The following LRRC53 variants were observed in gnomAD, a reference collection of about 807,000 sequenced individuals.
The protein encoded by LRRC53 is leucine-rich repeat-containing protein 53.
A neutral mutation model predicts 13.6 loss-of-function variants in LRRC53; 25 were observed. That is an observed-to-expected ratio of 1.83 (90% CI 1.34 to 2.56). The LOEUF (loss-of-function observed/expected upper bound fraction) is 2.56. Among genes scored for constraint, LRRC53 ranks in the 30% most tolerant of loss-of-function variants. LRRC53 has a pLI of 0.00. For missense variants in LRRC53, 527 were observed against 275.8 expected (o/e 1.91, Z -6.45); for synonymous variants, 204 against 109.8 (o/e 1.86, Z -5.37).
At chr1:74,533,647 G>A in the LRRC53 span, among the ~76,000 whole-genome samples, 2 of 151,942 alleles carry the variant, frequency 1.3e-5, no homozygotes, top group Admixed American at 1.3e-4. Context: ...CAATAGCAAA[G>A]ACTTGGAACC....
At chr1:74,483,169 T>G (rs1167072844) in intron 2 of LRRC53, 93 bp downstream of exon 2, 2 of 666,814 alleles carry the variant, frequency 3.0e-6, no homozygotes, top group East Asian at 5.5e-5. Context: ...CCTCTTAAGC[T>G]GAGCCCAGAG....
intron 1 of LRRC53, among the ~76,000 whole-genome samples, chr1:74,509,073 T>G (rs912276179): frequency 2.6e-5 from 4 of 152,226 alleles, no homozygotes; most frequent in Admixed American, 6.5e-5. Context: ...GGGATCCTTA[T>G]TCAGACACTT....
At chr1:74,489,451 G>T (rs573386646) in intron 1 of LRRC53, among the ~76,000 whole-genome samples, 6 of 152,110 alleles carry the variant, frequency 3.9e-5, no homozygotes, top group South Asian at 4.1e-4. Flanking sequence ...GAGTGAATTC[G>T]AGACCTTCCA....
At chr1:74,535,920 T>A in the LRRC53 span, among the ~76,000 whole-genome samples, 4 of 152,194 alleles carry the variant, frequency 2.6e-5, no homozygotes, top group African/African-American at 9.6e-5. Flanking sequence ...CTGTATGTTC[T>A]AGCCTATTGA....
At chr1:74,505,318 C>T (rs1221308783) in intron 1 of LRRC53, among the ~76,000 whole-genome samples, 1 of 152,182 alleles carries the variant, frequency 6.6e-6, no homozygotes, top group Non-Finnish European at 1.5e-5. Flanking sequence ...TCTGTTCATC[C>T]TCCCTGACTC....
chr1:74,522,274 C>T, the LRRC53 span, among the ~76,000 whole-genome samples: 2 of 152,172 alleles, frequency 1.3e-5, no homozygotes, highest in African/African-American at 4.8e-5. Context: ...GGAGCTGCTG[C>T]TTGTACTTGC....
the LRRC53 span, among the ~76,000 whole-genome samples, chr1:74,518,738 T>A: frequency 8.5e-5 from 13 of 152,308 alleles, no homozygotes; most frequent in South Asian, 2.5e-3. Flanking sequence ...TTTGCTTTTA[T>A]ATAATTTATT....
chr1:74,475,350 A>G lies in LRRC53; in HGVS notation c.1365T>C (p.Leu455=). The change falls in exon 4 of 5, where the codon CTT becomes CTC. Residue 455 remains leucine (L), a synonymous_variant. Transcript: ENST00000294635. ...TTTGAGGCTGGACTTCTCCAGGCTCAAGATTCCATAGCTTTTGAACTTTCC... is the reference window on the plus strand; with the variant it reads ...TTTGAGGCTGGACTTCTCCAGGCTCGAGATTCCATAGCTTTTGAACTTTCC... ...NPRKVQKLWN[L]EPGEVQPQTL... The G allele has an allele frequency of 1.4e-6, 1 of 714,070 alleles. No individual in the cohort carries two copies. 44.2% of individuals were successfully genotyped at this position (714,070 alleles called of 1,614,324 possible).
the LRRC53 span, among the ~76,000 whole-genome samples, chr1:74,524,449 A>G: frequency 6.6e-6 from 1 of 152,176 alleles, no homozygotes; most frequent in East Asian, 1.9e-4. Flanking sequence ...TGTAGGGCCA[A>G]CTGGTGACTA....
In LRRC53 at chr1:74,480,855, C is replaced by T. The variant is rs1424359472; in HGVS notation, c.202G>A (p.Gly68Ser). 1.4e-6 allele frequency: 1 copy of T among 717,334 alleles called. No individual in the cohort carries two copies. The highest frequency in any genetic ancestry group is 2.6e-6 in the Non-Finnish European group (1 of 385,082). The allele number at this position is 717,334 out of a possible 1,614,324, so 44.4% of individuals were successfully genotyped here. ...GCATCTTCCTGAACATCCTCGATACCATTTCTGCTTAGGGAGAGCAGGGCA... is the reference window on the plus strand; with the variant it reads ...GCATCTTCCTGAACATCCTCGATACTATTTCTGCTTAGGGAGAGCAGGGCA... ...NLALLSLSRN[G>S]IEDVQEDALH... The change falls in exon 3 of 5, where the codon GGT becomes AGT. Residue 68 changes from glycine (G) to serine (S), a missense_variant. Transcript: ENST00000294635.
At chr1:74,530,653 G>T in the LRRC53 span, among the ~76,000 whole-genome samples, 1 of 152,000 alleles carries the variant, frequency 6.6e-6, no homozygotes, top group African/African-American at 2.4e-5. Context: ...TTCTTGGTAA[G>T]ATGGTAGGTG....
intron 3 of LRRC53, among the ~76,000 whole-genome samples, chr1:74,478,697 C>A (rs1239877453): frequency 1.3e-5 from 2 of 152,166 alleles, no homozygotes; most frequent in Admixed American, 1.3e-4. Context: ...TTTCACTTTG[C>A]TTAACTTAGT....
the LRRC53 span, among the ~76,000 whole-genome samples, chr1:74,529,534 T>G: frequency 3.3e-5 from 5 of 152,210 alleles, no homozygotes; most frequent in African/African-American, 1.2e-4. Flanking sequence ...TCTTTTGCTA[T>G]AAAAAGCGTT....
the LRRC53 span, among the ~76,000 whole-genome samples, chr1:74,524,867 G>T: frequency 6.6e-6 from 1 of 152,178 alleles, no homozygotes; most frequent in African/African-American, 2.4e-5. Context: ...CCACTGCAGG[G>T]GTTTGGGCAG....
At chr1:74,492,003 A>G (rs369258844) in intron 1 of LRRC53, 2 of 1,370,262 alleles carry the variant, frequency 1.5e-6, no homozygotes, top group Middle Eastern at 2.0e-4. Flanking sequence ...AAATATGGGA[A>G]ACCTTGGAAT....
intron 2 of LRRC53, 40 bp downstream of exon 2, chr1:74,483,222 T>C (rs1327944388): frequency 2.8e-6 from 2 of 714,636 alleles, no homozygotes; most frequent in Admixed American, 2.0e-5. Context: ...ATTTTCCAGG[T>C]ACACTGAGCA....
intron 1 of LRRC53, among the ~76,000 whole-genome samples, chr1:74,488,276 GC>G (rs1414312301): frequency 6.6e-6 from 1 of 152,012 alleles, no homozygotes; most frequent in African/African-American, 2.4e-5. Context: ...TGCTCCCACT[GC>G]CCCCACCAAC....
In LRRC53 at chr1:74,480,539, C is replaced by T. The variant is rs201299696; in HGVS notation, c.518G>A (p.Gly173Glu). The T allele has an allele frequency of 2.1e-5, 15 of 717,392 alleles. No individual in the cohort carries two copies. In the East Asian group the frequency reaches 4.0e-4, roughly 19 times the overall value. 44.4% of individuals were successfully genotyped at this position (717,392 alleles called of 1,614,324 possible). Residue 173 changes from glycine (G) to glutamate (E), a missense_variant, in exon 3 of 5, where the codon GGG becomes GAG. Transcript: ENST00000294635. ...DLSNNFISYI[G>E]KDAFRPLPQL... is the part of the protein sequence containing the mutation. ...AGGCAGGGGCCGGAAGGCATCTTTC[C>T]CAATGTAGGAAATAAAATTGTTGGA... is the stretch of plus-strand genomic sequence containing the variant.
chr1:74,492,368 CT>C (rs1570695728), intron 1 of LRRC53: 1 of 1,311,162 alleles, frequency 7.6e-7, no homozygotes, highest in East Asian at 2.7e-5. Context: ...TGATTACCCC[CT>C]GAAAAACTTT....
Sources: allele counts gnomAD v4.1 joint callset (sites outside exome capture counted in the v4.1 genomes callset), GRCh38; gene constraint gnomAD v4.1.1; transcripts MANE v1.5; gene names NCBI Gene and HGNC (gene_info 2026-07-23, HGNC 2026-07-21).